The following FANK1 variants were observed in gnomAD, a reference collection of about 807,000 sequenced individuals.
The protein encoded by FANK1 is fibronectin type 3 and ankyrin repeat domains protein 1.
A neutral mutation model predicts 45.3 loss-of-function variants in FANK1; 44 were observed. The ratio of observed to expected loss-of-function variants is 0.97; its 90% confidence interval spans 0.76 to 1.25. The LOEUF (loss-of-function observed/expected upper bound fraction) is 1.25, where lower values mean the gene tolerates loss of function less well. Among genes scored for constraint, FANK1 ranks in the 50% most tolerant of loss-of-function variants. FANK1 has a pLI of 0.00. For missense variants in FANK1, 391 were observed against 424.4 expected (o/e 0.92, Z 0.69); for synonymous variants, 149 against 152.5 (o/e 0.98, Z 0.17).
At position 125,964,341 on chromosome 10, in the gene FANK1, C is replaced by T. The variant is rs182553831; in HGVS notation, c.14-15820C>T. On this transcript the variant is annotated intron_variant, in intron 1 of 10. Coordinates refer to ENST00000368693, the MANE Select transcript of FANK1 (RefSeq NM_145235.5). ...CTGAGTAGCTCAGACCACAGGTGTG[C>T]GCCACCGTGCCCAGCTAATTTTTGT... Among the ~76,000 whole-genome samples the T allele has an allele frequency of 8.4e-4, 127 of 151,804 alleles. No homozygotes were observed. In the Middle Eastern group the frequency reaches 0.027, roughly 33 times the overall value.
At chr10:125,964,653 T>G (rs1950113581) in intron 1 of FANK1, among the ~76,000 whole-genome samples, 1 of 152,246 alleles carries the variant, frequency 6.6e-6, no homozygotes, top group Non-Finnish European at 1.5e-5. Context: ...ATTTGTCCAG[T>G]CTTCTCATGC....
intron 1 of FANK1, among the ~76,000 whole-genome samples, chr10:125,974,512 A>T (rs1950730734): frequency 6.6e-6 from 1 of 152,254 alleles, no homozygotes. Flanking sequence ...AGAAACTTAA[A>T]GTGTAGCAGG....
intron 1 of FANK1, among the ~76,000 whole-genome samples, chr10:125,936,937 C>T (rs1222205409): frequency 6.6e-6 from 1 of 151,968 alleles, no homozygotes; most frequent in Non-Finnish European, 1.5e-5. Context: ...CGTGGTGGTG[C>T]ATGCCTGTAA....
intron 1 of FANK1, among the ~76,000 whole-genome samples, chr10:125,971,843 C>T (rs191711212): frequency 4.6e-5 from 7 of 152,172 alleles, no homozygotes; most frequent in South Asian, 2.1e-4. Context: ...AGGATGGTCT[C>T]GATCTCGTGA....
intron 3 of FANK1, chr10:125,989,342 C>A: frequency 6.4e-7 from 1 of 1,551,238 alleles, no homozygotes; most frequent in Non-Finnish European, 8.7e-7. Flanking sequence ...CCACGGCCCA[C>A]CCACTGAAAA....
Position 126,009,427 on chromosome 10 carries a change from T to C in FANK1, c.1027T>C (p.Cys343Arg), listed in dbSNP as rs376889965. The C allele has an allele frequency of 2.5e-6, 4 of 1,614,028 alleles. No homozygotes were observed. Among genetic ancestry groups the C allele is most frequent in the African/African-American group, 1.3e-5 (1 of 74,922 alleles). Residue 343 changes from cysteine to arginine, a missense_variant, in exon 11 of 11, where the codon TGT (cysteine) becomes CGT (arginine). Coordinates refer to ENST00000368693, the MANE Select transcript of FANK1 (RefSeq NM_145235.5). ...RKKKQRPKKS[C>R]VC The stretch of plus-strand genomic sequence containing the variant: ...AAAAAAGCAGAGGCCAAAGAAGTCT[T>C]GTGTCTGCTGATGAGAGCACCACTC...
chr10:125,952,869 C>G (rs978136622), intron 1 of FANK1, among the ~76,000 whole-genome samples: 1 of 146,272 alleles, frequency 6.8e-6, no homozygotes, highest in South Asian at 2.2e-4. Context: ...ACTGTTCTTA[C>G]GTGCCTGATA....
At chr10:125,956,203 G>GA (rs1554930968) in intron 1 of FANK1, among the ~76,000 whole-genome samples, 1 of 33,284 alleles carries the variant, frequency 3.0e-5, no homozygotes, top group Admixed American at 2.2e-4. Context: ...TACATTTTTT[G>GA]GGGGGGGGGC....
intron 1 of FANK1, among the ~76,000 whole-genome samples, chr10:125,974,380 A>G (rs1950718852): frequency 6.6e-6 from 1 of 152,194 alleles, no homozygotes; most frequent in African/African-American, 2.4e-5. Context: ...CTCAAGGGAA[A>G]TACAAGATCC....
At chr10:125,910,907 G>A (rs561200918) in intron 1 of FANK1, among the ~76,000 whole-genome samples, 4 of 152,174 alleles carry the variant, frequency 2.6e-5, no homozygotes, top group East Asian at 1.9e-4. Context: ...GGTGGCATGT[G>A]CCTGTAGTTC....
intron 1 of FANK1, among the ~76,000 whole-genome samples, chr10:125,918,419 G>A (rs1188960820): frequency 6.6e-6 from 1 of 152,086 alleles, no homozygotes; most frequent in East Asian, 1.9e-4. Flanking sequence ...CGCTAGGTGT[G>A]GTGGCGGGTA....
chr10:125,911,728 A>G (rs1946028300), intron 1 of FANK1, among the ~76,000 whole-genome samples: 1 of 152,212 alleles, frequency 6.6e-6, no homozygotes, highest in Non-Finnish European at 1.5e-5. Flanking sequence ...CTGTTCTGCT[A>G]GTAAAAAGCC....
chr10:125,988,262 G>A (rs1357309617), intron 2 of FANK1, among the ~76,000 whole-genome samples: 1 of 152,178 alleles, frequency 6.6e-6, no homozygotes, highest in Non-Finnish European at 1.5e-5. Flanking sequence ...TGTTACTTGA[G>A]GGCAAATGTC....
At chr10:125,945,589 G>C (rs1948734346) in intron 1 of FANK1, among the ~76,000 whole-genome samples, 3 of 152,212 alleles carry the variant, frequency 2.0e-5, no homozygotes, top group African/African-American at 7.2e-5. Flanking sequence ...ACACCTGGCT[G>C]GGAGGGTCCT....
chr10:125,911,216 T>C (rs1945976315), intron 1 of FANK1, among the ~76,000 whole-genome samples: 1 of 151,998 alleles, frequency 6.6e-6, no homozygotes, highest in Admixed American at 6.6e-5. Context: ...AACGTCAGAC[T>C]CAGGCAATAC....
rs554432523 is a variant in FANK1, at chr10:125,897,824, T to C, written c.13+1169T>C. ...TCAAACTGATGGCAGGCTGTGTATA[T>C]TCCCGCCTTAGAGAAGTGAGTTGAA... On this transcript the variant is annotated intron_variant, in intron 1 of 10. Transcript: ENST00000368693. 2.7e-4 allele frequency among the ~76,000 whole-genome samples: 41 copies of C among 152,082 alleles called. No individual in the cohort carries two copies. The South Asian group carries it at 8.3e-3, about 31-fold the overall frequency.
intron 1 of FANK1, among the ~76,000 whole-genome samples, chr10:125,912,511 AAG>A (rs1946106935): frequency 6.6e-6 from 1 of 151,348 alleles, no homozygotes; most frequent in Admixed American, 6.6e-5. Flanking sequence ...ACTTTAGGGA[AAG>A]AAACAGCTCT....
chr10:125,928,279 T>TTA (rs1554918592), intron 1 of FANK1, among the ~76,000 whole-genome samples: 7 of 150,622 alleles, frequency 4.6e-5, no homozygotes, highest in Non-Finnish European at 8.9e-5. Context: ...TTTTTTTTTT[T>TTA]AAAGACCATG....
chr10:125,967,732 T>C (rs1950269661), intron 1 of FANK1, among the ~76,000 whole-genome samples: 1 of 152,208 alleles, frequency 6.6e-6, no homozygotes, highest in Non-Finnish European at 1.5e-5. Flanking sequence ...GCTTCCCAAG[T>C]AGCTGGGACT....
Sources: gnomAD v4.1 joint callset for allele counts (sites outside exome capture counted in the v4.1 genomes callset) on GRCh38, gnomAD v4.1.1 for gene constraint, MANE v1.5 for transcripts, NCBI Gene and HGNC (gene_info 2026-07-23, HGNC 2026-07-21) for gene names.